AUTS2: variants seen among roughly 807,000 people sequenced by gnomAD.
AUTS2 encodes activator of transcription and developmental regulator AUTS2, also known as autism susceptibility gene 2 protein.
A neutral mutation model predicts 112.4 loss-of-function variants in AUTS2; 17 were observed. The observed-to-expected ratio is 0.15, with a 90% CI of 0.10 to 0.23. The LOEUF (loss-of-function observed/expected upper bound fraction) is 0.23, where lower values mean the gene tolerates loss of function less well. AUTS2 is among the 10% of genes least tolerant of loss of function. The pLI is 1.00. For synonymous variants in AUTS2, 751 were observed against 702.7 expected (o/e 1.07, Z -1.09); for missense variants, 1,510 against 1,701.6 (o/e 0.89, Z 1.98).
chr7:70,787,047 T>C (rs1269662593), intron 17 of AUTS2, 162 bp from the exon 18 acceptor site: 3 of 770,936 alleles, frequency 3.9e-6, no homozygotes, highest in Non-Finnish European at 6.8e-6. Context: ...AGGACAAGAC[T>C]TCCTCTAATG....
intron 1 of AUTS2, among the ~76,000 whole-genome samples, chr7:69,643,757 T>C (rs1371480136): frequency 6.6e-6 from 1 of 152,078 alleles, no homozygotes; most frequent in South Asian, 2.1e-4. Context: ...CTCCCTGATA[T>C]TGAGTGAATT....
chr7:69,665,168 C>T (rs750976404), intron 1 of AUTS2, among the ~76,000 whole-genome samples: 19 of 152,188 alleles, frequency 1.2e-4, no homozygotes, highest in Non-Finnish European at 2.5e-4. Context: ...GTACCCCCAT[C>T]CTAATGTACT....
At position 70,338,055 on chromosome 7, in the gene AUTS2, C is replaced by T. The variant is rs903054408; in HGVS notation, c.661-97697C>T. Among the ~76,000 whole-genome samples the T allele has an allele frequency of 2.6e-5, 4 of 152,312 alleles. No individual in the cohort carries two copies. The East Asian group carries it at 7.7e-4, about 29-fold the overall frequency. Reference sequence around the variant, plus strand: ...AGTGCATTAAAAACTCTAATTAAAACAGCATTACATTCCCATCTGCCAATC... The same window carrying T: ...AGTGCATTAAAAACTCTAATTAAAATAGCATTACATTCCCATCTGCCAATC... On this transcript the variant is annotated intron_variant, in intron 4 of 18. Coordinates refer to ENST00000342771, the MANE Select transcript of AUTS2 (RefSeq NM_015570.4).
chr7:69,870,526 A>C (rs939122310), intron 1 of AUTS2, among the ~76,000 whole-genome samples: 8 of 148,236 alleles, frequency 5.4e-5, no homozygotes, highest in Admixed American at 2.0e-4. Flanking sequence ...GATGAAACAA[A>C]AAAAAAAAAT....
At chr7:69,814,691 A>G (rs1790683021) in intron 1 of AUTS2, among the ~76,000 whole-genome samples, 1 of 152,248 alleles carries the variant, frequency 6.6e-6, no homozygotes, top group African/African-American at 2.4e-5. Context: ...TGGGGGCTGA[A>G]TTGGCACTTG....
chr7:70,253,843 A>G (rs1471906961), intron 4 of AUTS2, among the ~76,000 whole-genome samples: 1 of 151,984 alleles, frequency 6.6e-6, no homozygotes, highest in African/African-American at 2.4e-5. Flanking sequence ...TAGTTCATCT[A>G]GCACTGAATG....
chr7:69,829,625 T>A (rs1791410399), intron 1 of AUTS2, among the ~76,000 whole-genome samples: 1 of 151,870 alleles, frequency 6.6e-6, no homozygotes, highest in African/African-American at 2.4e-5. Context: ...CCAAAAAACA[T>A]ATGAAAAAAA....
At chr7:69,896,259 G>A (rs995091801) in intron 1 of AUTS2, among the ~76,000 whole-genome samples, 2 of 152,186 alleles carry the variant, frequency 1.3e-5, no homozygotes, top group African/African-American at 4.8e-5. Context: ...AGCATGCAAG[G>A]CTGTGAAATC....
intron 4 of AUTS2, among the ~76,000 whole-genome samples, chr7:70,374,255 ATTCTATT>A (rs2129630941): frequency 6.6e-6 from 1 of 152,330 alleles, no homozygotes; most frequent in South Asian, 2.1e-4. Context: ...TTAACAGTTT[ATTCTATT>A]TAAAAAGAAA....
intron 5 of AUTS2, among the ~76,000 whole-genome samples, chr7:70,673,510 GTGT>G (rs1455881080): frequency 6.6e-6 from 1 of 152,084 alleles, no homozygotes; most frequent in Non-Finnish European, 1.5e-5. Flanking sequence ...GGGACTACAG[GTGT>G]GCACCACCAC....
At chr7:69,629,189 A>G (rs1248934363) in intron 1 of AUTS2, among the ~76,000 whole-genome samples, 1 of 152,146 alleles carries the variant, frequency 6.6e-6, no homozygotes, top group East Asian at 1.9e-4. Flanking sequence ...CAGAGTTTGG[A>G]GGAAACATTG....
intron 1 of AUTS2, among the ~76,000 whole-genome samples, chr7:69,862,264 CAT>C (rs767693887): frequency 5.9e-5 from 9 of 152,186 alleles, no homozygotes; most frequent in Non-Finnish European, 1.2e-4. Flanking sequence ...AAAATATCCA[CAT>C]GTCAAAAATT....
chr7:70,342,338 C>CG (rs1274735639), intron 4 of AUTS2, among the ~76,000 whole-genome samples: 48 of 142,958 alleles, frequency 3.4e-4, no homozygotes, highest in Non-Finnish European at 5.6e-4. Flanking sequence ...TTTTTTTTTG[C>CG]GGGGGGGAAG....
chr7:70,051,100 T>TG (rs1289374096), intron 2 of AUTS2, among the ~76,000 whole-genome samples: 1 of 152,230 alleles, frequency 6.6e-6, no homozygotes, highest in African/African-American at 2.4e-5. Context: ...TTTGAAGAGC[T>TG]GTCCAGGCTT....
intron 5 of AUTS2, among the ~76,000 whole-genome samples, chr7:70,479,984 C>T (rs976935325): frequency 1.3e-5 from 2 of 152,228 alleles, no homozygotes; most frequent in Non-Finnish European, 2.9e-5. Flanking sequence ...TAAACACAGA[C>T]TGTCCCCCCA....
intron 5 of AUTS2, among the ~76,000 whole-genome samples, chr7:70,660,219 G>T (rs1585457962): frequency 1.3e-5 from 2 of 151,998 alleles, no homozygotes; most frequent in South Asian, 2.1e-4. Flanking sequence ...AGAAAGAAAT[G>T]CAGGCAACTG....
intron 6 of AUTS2, among the ~76,000 whole-genome samples, chr7:70,728,652 G>A (rs563707132): frequency 6.1e-5 from 9 of 147,350 alleles, no homozygotes; most frequent in South Asian, 2.2e-4. Flanking sequence ...AGGTTGCAGT[G>A]AGCCATGATT....
chr7:70,513,070 C>T (rs754997685), intron 5 of AUTS2, among the ~76,000 whole-genome samples: 1 of 152,198 alleles, frequency 6.6e-6, no homozygotes, highest in Non-Finnish European at 1.5e-5. Context: ...TTTAACAGAT[C>T]TGCGTAATGG....
intron 1 of AUTS2, among the ~76,000 whole-genome samples, chr7:69,675,928 T>C (rs1796544260): frequency 6.6e-6 from 1 of 152,136 alleles, no homozygotes; most frequent in Non-Finnish European, 1.5e-5. Flanking sequence ...GAGGAGTACA[T>C]TTTAAAATAA....
Sources: gnomAD v4.1 joint callset for allele counts (sites outside exome capture counted in the v4.1 genomes callset) on GRCh38, gnomAD v4.1.1 for gene constraint, MANE v1.5 for transcripts, NCBI Gene and HGNC (gene_info 2026-07-23, HGNC 2026-07-21) for gene names.